The following SEPTIN9 variants were observed in gnomAD, a reference collection of about 807,000 sequenced individuals.
SEPTIN9 encodes the protein septin-9.
SEPTIN9 carries 13 observed loss-of-function variants against 56.6 expected under a neutral mutation model. That is an observed-to-expected ratio of 0.23 (90% confidence interval 0.15 to 0.37). The LOEUF (loss-of-function observed/expected upper bound fraction) is 0.37, where lower values mean the gene tolerates loss of function less well. Ranked by LOEUF, SEPTIN9 falls within the 10% of genes least tolerant of loss-of-function variation. SEPTIN9 has a pLI of 1.00. For missense variants in SEPTIN9, 650 were observed against 823.1 expected, an observed-to-expected ratio of 0.79 and a Z score of 2.57; for synonymous variants, 332 against 334.1, an observed-to-expected ratio of 0.99 and a Z score of 0.07.
chr17:77,421,678 G>A lies in SEPTIN9; in HGVS notation c.721+18975G>A, dbSNP rs567548948. ...TTTGGAACTGGAGTGGCTCCTCCAC[G>A]GTGGATTGGGCTGAGCTCTCTGCCT... On this transcript the variant is annotated intron_variant, in intron 3 of 11. Coordinates refer to ENST00000427177, the MANE Select transcript of SEPTIN9 (RefSeq NM_001113491.2). This position sits in a 1 kb window ranked among gnomAD's most constrained non-coding sequence, Gnocchi z 4.6. 9.9e-5 allele frequency among the ~76,000 whole-genome samples: 15 copies of A among 152,186 alleles called. No individual in the cohort carries two copies. The highest frequency in any genetic ancestry group is 1.9e-4 in the East Asian group (1 of 5,188).
At chr17:77,485,558 TAATA>T (rs1369322001) in intron 4 of SEPTIN9, among the ~76,000 whole-genome samples, 1 of 151,708 alleles carries the variant, frequency 6.6e-6, no homozygotes, top group Non-Finnish European at 1.5e-5. Flanking sequence ...GTGATGATAA[TAATA>T]AAAGTAACAA....
At chr17:77,282,834 T>C (rs2031092847) in intron 1 of SEPTIN9, among the ~76,000 whole-genome samples, 1 of 152,220 alleles carries the variant, frequency 6.6e-6, no homozygotes, top group Non-Finnish European at 1.5e-5. Flanking sequence ...CTCCCCAACA[T>C]GCTCCAAATA....
chr17:77,376,361 T>A, intron 2 of SEPTIN9: 1 of 985,568 alleles, frequency 1.0e-6, no homozygotes, highest in Non-Finnish European at 1.2e-6. Flanking sequence ...CAGGTCTCTT[T>A]CCCGGGGCGG....
chr17:77,481,505 T>C (rs1263039201), intron 3 of SEPTIN9, among the ~76,000 whole-genome samples: 1 of 150,978 alleles, frequency 6.6e-6, no homozygotes, highest in Non-Finnish European at 1.5e-5. Flanking sequence ...TCTATGGGAT[T>C]GAACACACAA....
chr17:77,376,952 C>T (rs966337090), intron 2 of SEPTIN9: 1 of 152,360 alleles, frequency 6.6e-6, no homozygotes, highest in African/African-American at 2.4e-5. Flanking sequence ...CTTTATGTTC[C>T]ATCACCGATG....
chr17:77,312,987 T>TG (rs1031783133), intron 2 of SEPTIN9, among the ~76,000 whole-genome samples: 29 of 152,170 alleles, frequency 1.9e-4, no homozygotes, highest in African/African-American at 5.5e-4. Context: ...GAGAGTTCTA[T>TG]GGGGGGGCGC....
rs866085794 is a variant in SEPTIN9 at position 77,301,416 on chromosome 17, G to A, written c.20-5725G>A. Among the ~76,000 whole-genome samples, 316 of 151,564 alleles carry A rather than the reference G, an allele frequency of 2.1e-3. 3 individuals are homozygous for A. The highest frequency in any genetic ancestry group is 6.8e-3 in the Middle Eastern group (2 of 294). ...GATTTGTGTGTGTGTGTGTGTGTGT[G>A]TGTGTGTGTGTGTGTGTGTGTGTTT... is the stretch of plus-strand genomic sequence containing the variant. On this transcript the variant is annotated intron_variant, in intron 1 of 11. Transcript: ENST00000427177.
rs1464739252 is a variant in SEPTIN9, at chr17:77,492,282, G to A, written c.1381-339G>A. ...GCTGGAACTGGGGACTGTGACGAGG[G>A]TTTTTTAGGAAGGGTTTCAGGAGGG... On this transcript the variant is annotated intron_variant, in intron 8 of 11. Transcript: ENST00000427177. This position sits in a 1 kb window ranked among gnomAD's most constrained non-coding sequence, Gnocchi z 5.4. Among the ~76,000 whole-genome samples the A allele has an allele frequency of 6.6e-6, 1 of 152,108 alleles. No homozygotes were observed.
intron 3 of SEPTIN9, among the ~76,000 whole-genome samples, chr17:77,467,792 GC>G (rs1398512125): frequency 6.6e-6 from 1 of 152,222 alleles, no homozygotes; most frequent in Non-Finnish European, 1.5e-5. Context: ...AACCGTGGCT[GC>G]CCCCATGCTG....
rs1335387613 is a variant in SEPTIN9 at position 77,429,625 on chromosome 17, T to A, written c.721+26922T>A. The stretch of plus-strand genomic sequence containing the variant: ...GGAAGAAGGGCTTAGGGTGCTGGTG[T>A]GGAGTTTGCACAGATGGGGATAATG... On this transcript the variant is annotated intron_variant, in intron 3 of 11. Coordinates refer to ENST00000427177, the MANE Select transcript of SEPTIN9 (RefSeq NM_001113491.2). The surrounding 1 kb of genome is among the most constrained non-coding windows in gnomAD (Gnocchi z 5.2). 6.6e-6 allele frequency among the ~76,000 whole-genome samples: 1 copy of A among 152,058 alleles called. No individual in the cohort carries two copies. The highest frequency in any genetic ancestry group is 2.4e-5 in the African/African-American group (1 of 41,410).
At chr17:77,390,561 C>A (rs1368344647) in intron 2 of SEPTIN9, among the ~76,000 whole-genome samples, 4 of 149,678 alleles carry the variant, frequency 2.7e-5, no homozygotes, top group Non-Finnish European at 5.9e-5. Flanking sequence ...ACGCCATTCT[C>A]CTGCCTCAGC....
rs2034593812 is a variant in SEPTIN9 at position 77,367,098 on chromosome 17, G to C, written c.77-34961G>C. ...AGCGGCCAGGCAGAGGGTGTGATGG[G>C]GTGTGGTAGCTGCACACCGGCTCAG... is the stretch of plus-strand genomic sequence containing the variant. On this transcript the variant is annotated intron_variant, in intron 2 of 11. Transcript: ENST00000427177. This position sits in a 1 kb window ranked among gnomAD's most constrained non-coding sequence, Gnocchi z 4.5. 6.6e-6 allele frequency among the ~76,000 whole-genome samples: 1 copy of C among 152,162 alleles called. No individual in the cohort carries two copies. Among genetic ancestry groups the C allele is most frequent in the Non-Finnish European group, 1.5e-5 (1 of 68,026 alleles).
chr17:77,467,596 G>A lies in SEPTIN9; in HGVS notation c.722-14548G>A, dbSNP rs138032906. Among the ~76,000 whole-genome samples, 1,177 of 152,290 alleles carry A rather than the reference G, an allele frequency of 7.7e-3. 18 individuals carry two copies. The highest frequency in any genetic ancestry group is 0.025 in the African/African-American group (1,027 of 41,554). ...ATTTCCTGAACCGGCCTCCCACCCC[G>A]GCTGTCCCAGGAAGCCCATCCATCC... On this transcript the variant is annotated intron_variant, in intron 3 of 11. Coordinates refer to ENST00000427177, the MANE Select transcript of SEPTIN9 (RefSeq NM_001113491.2).
chr17:77,285,980 G>A (rs1307665661), intron 1 of SEPTIN9, among the ~76,000 whole-genome samples: 2 of 152,346 alleles, frequency 1.3e-5, no homozygotes, highest in African/African-American at 4.8e-5. Context: ...AGCGTGGGAA[G>A]GGCACAAGCA....
At chr17:77,325,008 G>A (rs975072143) in intron 2 of SEPTIN9, among the ~76,000 whole-genome samples, 2 of 151,862 alleles carry the variant, frequency 1.3e-5, no homozygotes, top group Non-Finnish European at 2.9e-5. Flanking sequence ...TAGTAGAGAC[G>A]GGGTTTCACT....
At position 77,353,519 on chromosome 17, in the gene SEPTIN9, G is replaced by T. The variant is rs945930810; in HGVS notation, c.76+46322G>T. 4.6e-5 allele frequency among the ~76,000 whole-genome samples: 7 copies of T among 152,082 alleles called. No individual in the cohort carries two copies. In the South Asian group the frequency reaches 1.2e-3, roughly 27 times the overall value. On this transcript the variant is annotated intron_variant, in intron 2 of 11. Transcript: ENST00000427177. ...TTCAAGCAGGGGCCATGTGGGAGTT[G>T]TTCAGGAGTGCATAGAAGGGACCTC...
intron 3 of SEPTIN9, among the ~76,000 whole-genome samples, chr17:77,409,628 C>T (rs2036219092): frequency 6.6e-6 from 1 of 152,214 alleles, no homozygotes; most frequent in African/African-American, 2.4e-5. Context: ...AGACACATGG[C>T]ACTGGGTGAG....
At chr17:77,399,145 T>C (rs536397742) in intron 2 of SEPTIN9, among the ~76,000 whole-genome samples, 1 of 152,298 alleles carries the variant, frequency 6.6e-6, no homozygotes, top group African/African-American at 2.4e-5. Context: ...CTGGAATAAA[T>C]CATTGCATCC....
intron 3 of SEPTIN9, among the ~76,000 whole-genome samples, chr17:77,419,440 T>G (rs1046438909): frequency 3.3e-5 from 5 of 151,856 alleles, no homozygotes; most frequent in Non-Finnish European, 7.4e-5. Flanking sequence ...CCGGGGATGG[T>G]GGTCTGTTGC....
Sources: gnomAD v4.1 joint callset for allele counts (sites outside exome capture counted in the v4.1 genomes callset) on GRCh38, gnomAD v4.1.1 for gene constraint, Gnocchi (gnomAD v3.1) non-coding constraint, MANE v1.5 for transcripts, NCBI Gene and HGNC (gene_info 2026-07-23, HGNC 2026-07-21) for gene names.